THSD7B: variants seen among roughly 807,000 people sequenced by gnomAD.
The protein encoded by THSD7B is thrombospondin type-1 domain-containing protein 7B.
Under a neutral mutation model 213.6 loss-of-function variants are expected in THSD7B, and 138 were observed. The observed-to-expected ratio is 0.65, with a 90% CI of 0.56 to 0.74. The LOEUF (loss-of-function observed/expected upper bound fraction) is 0.74. Among genes scored for constraint, THSD7B ranks in the 30% least tolerant of loss-of-function variants. THSD7B has a pLI of 0.00. For missense variants in THSD7B, 1,931 were observed against 1,991.5 expected (o/e 0.97, Z 0.58); for synonymous variants, 742 against 687.0 (o/e 1.08, Z -1.25).
At chr2:137,542,008 A>T (rs1351822605) in intron 15 of THSD7B, among the ~76,000 whole-genome samples, 1 of 151,638 alleles carries the variant, frequency 6.6e-6, no homozygotes, top group Admixed American at 6.6e-5. Context: ...TCCCGGAAAA[A>T]AAGAGGAGAG....
At chr2:137,434,460 G>A (rs78134247) in intron 14 of THSD7B, among the ~76,000 whole-genome samples, 425 of 152,244 alleles carry the variant, frequency 2.8e-3, no homozygotes, top group African/African-American at 9.0e-3. Flanking sequence ...TGTTAACCCC[G>A]TATGGCACTG....
chr2:136,777,503 T>C (rs1681633275), intron 1 of THSD7B, among the ~76,000 whole-genome samples: 1 of 152,130 alleles, frequency 6.6e-6, no homozygotes, highest in Non-Finnish European at 1.5e-5. Context: ...ACTTCCCAGT[T>C]GTCAAATCCA....
chr2:137,513,891 G>A (rs929466376), intron 15 of THSD7B, among the ~76,000 whole-genome samples: 4 of 152,152 alleles, frequency 2.6e-5, no homozygotes, highest in African/African-American at 9.7e-5. Flanking sequence ...AATTGTGCCA[G>A]ACACACATAC....
intron 2 of THSD7B, among the ~76,000 whole-genome samples, chr2:137,055,214 C>T (rs1687140541): frequency 6.6e-6 from 1 of 152,142 alleles, no homozygotes; most frequent in Admixed American, 6.5e-5. Flanking sequence ...CAAGTCTTTG[C>T]TATTGTGAAT....
intron 12 of THSD7B, among the ~76,000 whole-genome samples, chr2:137,389,402 A>ACTTTTTTTTTTTTTTT (rs1685967896): frequency 2.6e-5 from 1 of 38,052 alleles, no homozygotes. Context: ...TCTTAATGTG[A>ACTTTTTTTTTTTTTTT]TTTTTTTTTT....
chr2:137,074,831 T>C (rs1313900414), intron 3 of THSD7B, among the ~76,000 whole-genome samples: 4 of 152,200 alleles, frequency 2.6e-5, no homozygotes, highest in African/African-American at 9.6e-5. Context: ...ATTTTATTTC[T>C]CCTTCAGTTA....
At chr2:136,865,616 T>C (rs1158597413) in intron 1 of THSD7B, among the ~76,000 whole-genome samples, 3 of 152,222 alleles carry the variant, frequency 2.0e-5, no homozygotes, top group Non-Finnish European at 2.9e-5. Context: ...AACATTCATT[T>C]CTTCTTGTCC....
intron 14 of THSD7B, among the ~76,000 whole-genome samples, chr2:137,430,220 C>T (rs1314049602): frequency 6.6e-6 from 1 of 152,058 alleles, no homozygotes; most frequent in Non-Finnish European, 1.5e-5. Flanking sequence ...ACCCTCTAAG[C>T]CTGGGTGGCA....
intron 20 of THSD7B, among the ~76,000 whole-genome samples, chr2:137,625,214 C>G (rs558581980): frequency 2.1e-4 from 32 of 151,752 alleles, no homozygotes; most frequent in African/African-American, 7.0e-4. Flanking sequence ...GCTGAGCAAA[C>G]TATCACAAGG....
chr2:137,270,990 T>C (rs1682719998), intron 10 of THSD7B, among the ~76,000 whole-genome samples: 1 of 152,122 alleles, frequency 6.6e-6, no homozygotes, highest in Non-Finnish European at 1.5e-5. Context: ...GTAAGGAAGC[T>C]TTCATAGTGG....
chr2:136,913,576 C>T (rs1255342754), intron 2 of THSD7B, among the ~76,000 whole-genome samples: 1 of 152,326 alleles, frequency 6.6e-6, no homozygotes, highest in African/African-American at 2.4e-5. Flanking sequence ...GCCCAGGATC[C>T]CCATGCTGCA....
intron 12 of THSD7B, among the ~76,000 whole-genome samples, chr2:137,346,870 A>G (rs1465793814): frequency 6.6e-6 from 1 of 151,690 alleles, no homozygotes; most frequent in African/African-American, 2.4e-5. Flanking sequence ...GCTATTGTAA[A>G]TAGTGCTGTG....
chr2:137,663,594 TA>T lies in THSD7B; in HGVS notation c.4651+21del. The T allele has an allele frequency of 1.3e-6, 2 of 1,581,170 alleles. No individual in the cohort carries two copies. The highest frequency in any genetic ancestry group is 1.7e-6 in the Non-Finnish European group (2 of 1,163,750). ...GATCCAGGTGAGTTTCAGTTGTGAG[TA>T]AGAAATGAAAATTTTCTCATGGGAG... On this transcript the variant is annotated intron_variant, in intron 26 of 27. Transcript: ENST00000409968.
chr2:136,940,870 T>C (rs1684814846), intron 2 of THSD7B, among the ~76,000 whole-genome samples: 1 of 151,214 alleles, frequency 6.6e-6, no homozygotes, highest in Non-Finnish European at 1.5e-5. Flanking sequence ...GTTGTTTTTT[T>C]TTTTTTTAAA....
At chr2:137,487,143 T>C (rs1447296245) in intron 15 of THSD7B, among the ~76,000 whole-genome samples, 2 of 145,816 alleles carry the variant, frequency 1.4e-5, no homozygotes, top group East Asian at 2.0e-4. Context: ...CCGAGGCGGG[T>C]GGATCATGAG....
intron 17 of THSD7B, among the ~76,000 whole-genome samples, chr2:137,611,259 A>AAT (rs1010870833): frequency 1.1e-4 from 16 of 151,240 alleles, no homozygotes; most frequent in Non-Finnish European, 2.1e-4. Flanking sequence ...TGATGTTATG[A>AAT]ATATATATAT....
chr2:136,939,988 C>T (rs1684793637), intron 2 of THSD7B, among the ~76,000 whole-genome samples: 1 of 152,120 alleles, frequency 6.6e-6, no homozygotes, highest in South Asian at 2.1e-4. Context: ...TAATCACTAT[C>T]CTAGCCAGGA....
chr2:137,257,492 T>G lies in THSD7B; in HGVS notation c.2266+14920T>G, dbSNP rs144848929. On this transcript the variant is annotated intron_variant, in intron 10 of 27. Coordinates refer to ENST00000409968, the MANE Select transcript of THSD7B (RefSeq NM_001316349.2). The stretch of plus-strand genomic sequence containing the variant: ...CAGGGTATCTCACAAAGTCCCCACA[T>G]TCCCATCTCTTCTTATCAGGATCAG... 4.4e-4 allele frequency among the ~76,000 whole-genome samples: 67 copies of G among 152,310 alleles called. 1 individual carries two copies. Among genetic ancestry groups the G allele is most frequent in the African/African-American group, 1.6e-3 (66 of 41,578 alleles).
At chr2:137,024,926 A>G (rs1191866351) in intron 2 of THSD7B, among the ~76,000 whole-genome samples, 1 of 152,062 alleles carries the variant, frequency 6.6e-6, no homozygotes, top group East Asian at 1.9e-4. Flanking sequence ...CAACACCACT[A>G]TCCTTCTATG....
Sources: gnomAD v4.1 joint callset for allele counts (sites outside exome capture counted in the v4.1 genomes callset) on GRCh38, gnomAD v4.1.1 for gene constraint, MANE v1.5 for transcripts, NCBI Gene and HGNC (gene_info 2026-07-23, HGNC 2026-07-21) for gene names.